IL12RB1: variants seen among roughly 807,000 people sequenced by gnomAD.
IL12RB1 encodes the protein interleukin 12 receptor subunit beta 1, also known as interleukin-12 receptor subunit beta-1.
A neutral mutation model predicts 94.4 loss-of-function variants in IL12RB1; 64 were observed. The observed-to-expected ratio is 0.68, with a 90% CI of 0.55 to 0.83. IL12RB1 has a LOEUF of 0.83. Among genes scored for constraint, IL12RB1 ranks in the 40% least tolerant of loss-of-function variants. IL12RB1 has a pLI of 0.00. For synonymous variants in IL12RB1, 362 were observed against 355.5 expected, an observed-to-expected ratio of 1.02 and a Z score of -0.21; for missense variants, 814 against 855.6, an observed-to-expected ratio of 0.95 and a Z score of 0.61.
At chr19:18,094,774 C>T (rs1159113563) in intron 1 of IL12RB1, among the ~76,000 whole-genome samples, 1 of 151,988 alleles carries the variant, frequency 6.6e-6, no homozygotes, top group Non-Finnish European at 1.5e-5. Flanking sequence ...CCAGCCTGGG[C>T]GAAAGAGCAA....
upstream of IL12RB1, among the ~76,000 whole-genome samples, chr19:18,089,445 T>A (rs1050580163): frequency 4.0e-5 from 6 of 151,870 alleles, no homozygotes; most frequent in South Asian, 2.1e-4. Flanking sequence ...GACAACACAG[T>A]GAAACCCAGT....
At position 18,060,098 on chromosome 19, in the gene IL12RB1, G is replaced by C; in HGVS notation, c.1792-13C>G. ...TCCACTGCCAAGTCTGCAGAGGGAG[G>C]GTAGGGCCACAGCTGTGAGCAGAGC... is the stretch of plus-strand genomic sequence containing the variant. On this transcript the variant is annotated splice_polypyrimidine_tract_variant and intron_variant, in intron 15 of 16. Coordinates refer to ENST00000593993, the MANE Select transcript of IL12RB1 (RefSeq NM_005535.3). The C allele has an allele frequency of 6.6e-7, 1 of 1,514,182 alleles. No individual in the cohort carries two copies. Among genetic ancestry groups the C allele is most frequent in the Non-Finnish European group, 9.2e-7 (1 of 1,092,624 alleles). The allele number at this position is 1,514,182 out of a possible 1,614,324, so 93.8% of individuals were successfully genotyped here.
At chr19:18,088,070 T>C (rs141620898), upstream of IL12RB1, among the ~76,000 whole-genome samples, 1,161 of 151,842 alleles carry the variant, frequency 7.6e-3, 16 homozygotes, top group African/African-American at 0.026. Context: ...CTAAACAACA[T>C]AGCAAGACCC....
intron 1 of IL12RB1, 50 bp downstream of exon 1, chr19:18,086,710 G>A (rs1312324955): frequency 2.6e-6 from 4 of 1,559,304 alleles, no homozygotes; most frequent in African/African-American, 1.4e-5. Context: ...ACACATACAC[G>A]TGCCTCCACC....
rs150462538 is a variant in IL12RB1 at position 18,078,810 on chromosome 19, C to G, written c.410-1155G>C. On this transcript the variant is annotated intron_variant, in intron 4 of 16. Transcript: ENST00000593993. ...TAGTCTTGCTGCACCGTGGTCATAC[C>G]CGGCCTGATTCTTTTTTTATATCAT... 2.4e-3 allele frequency among the ~76,000 whole-genome samples: 366 copies of G among 152,128 alleles called. 10 individuals are homozygous for G. The South Asian group carries it at 0.042, about 18-fold the overall frequency.
chr19:18,087,575 T>C (rs1174247258), upstream of IL12RB1, among the ~76,000 whole-genome samples: 1 of 151,658 alleles, frequency 6.6e-6, no homozygotes, highest in Non-Finnish European at 1.5e-5. Context: ...AGTGCAGTGG[T>C]GCAATCACGG....
intron 12 of IL12RB1, 133 bp from the exon 13 acceptor site, chr19:18,064,143 T>C (rs1346821306): frequency 1.6e-4 from 90 of 570,542 alleles, no homozygotes; most frequent in East Asian, 5.3e-4. Flanking sequence ...TCTTTCTTTT[T>C]TTTTTTTTTT....
chr19:18,081,082 C>A, intron 3 of IL12RB1, 81 bp from the exon 4 acceptor site: 1 of 1,310,028 alleles, frequency 7.6e-7, no homozygotes, highest in Admixed American at 2.0e-5. Context: ...CACATCCCAG[C>A]ATCGTTTTTT....
intron 13 of IL12RB1, among the ~76,000 whole-genome samples, chr19:18,062,602 T>C (rs2034224384): frequency 6.6e-6 from 1 of 152,022 alleles, no homozygotes; most frequent in Non-Finnish European, 1.5e-5. Flanking sequence ...ATGAAACCTG[T>C]CTCTACTAAA....
At chr19:18,071,409 C>T (rs1415821312) in intron 9 of IL12RB1, 2 of 804,430 alleles carry the variant, frequency 2.5e-6, no homozygotes, top group African/African-American at 3.6e-5. Context: ...TTCTTTCTCT[C>T]TTTTTTCTTT....
rs779773027 is a variant in IL12RB1, at chr19:18,083,420, A to C, written c.124+12T>G. On this transcript the variant is annotated intron_variant, in intron 2 of 16. Coordinates refer to ENST00000593993, the MANE Select transcript of IL12RB1 (RefSeq NM_005535.3). ...CATAATCCTCAGCCAACAATGAGGA[A>C]CTGCCCCGAACCTGAGTCTGCATCC... 2 of 1,613,586 alleles carry C rather than the reference A, an allele frequency of 1.2e-6. No homozygotes were observed. The highest frequency in any genetic ancestry group is 1.7e-6 in the Non-Finnish European group (2 of 1,179,548).
chr19:18,072,191 G>T lies in IL12RB1; in HGVS notation c.942C>A (p.Tyr314Ter), dbSNP rs762747908. Residue 314 changes from tyrosine to a stop codon, truncating the protein, a stop_gained, in exon 9 of 17, where the codon TAC becomes TAA. Transcript: ENST00000593993. LOFTEE classifies it high-confidence loss of function. ...GKMPYLSGAA[Y>*]NVAVISSNQF... The stretch of plus-strand genomic sequence containing the variant: ...GGTTCGAGGAGATGACAGCCACGTT[G>T]TAGGCAGCACCCGAGAGATAGGGCA... 6.2e-7 allele frequency: 1 copy of T among 1,614,158 alleles called. No homozygotes were observed. Among genetic ancestry groups the T allele is most frequent in the African/African-American group, 1.3e-5 (1 of 75,060 alleles).
chr19:18,061,220 G>GAA, intron 14 of IL12RB1, 23 bp from the exon 15 acceptor site: 2 of 1,307,900 alleles, frequency 1.5e-6, no homozygotes, highest in Non-Finnish European at 1.1e-6. Context: ...GGGGACCAGT[G>GAA]AGAGGAGCTG....
chr19:18,085,593 C>T (rs2036274081), intron 1 of IL12RB1, among the ~76,000 whole-genome samples: 1 of 151,776 alleles, frequency 6.6e-6, no homozygotes, highest in South Asian at 2.1e-4. Flanking sequence ...CCCCAGTGTA[C>T]AGAGAAGGAA....
chr19:18,065,093 C>T (rs192423212), intron 12 of IL12RB1, among the ~76,000 whole-genome samples: 2 of 152,266 alleles, frequency 1.3e-5, no homozygotes, highest in Non-Finnish European at 2.9e-5. Flanking sequence ...GCCTGTGGGG[C>T]GTCCCCACTC....
rs781431249 is a variant in IL12RB1, at chr19:18,062,245, CGAA to C, written c.1648_1650del (p.Phe550del). On this transcript the variant is annotated inframe_deletion, in exon 14 of 17. Transcript: ENST00000593993. ...ATGCTCAGGAAGCTCCCCAGGGAGG[CGAA>C]GAAGATGAGCCAATCAGAAACCTGC... The C allele has an allele frequency of 4.3e-6, 7 of 1,612,554 alleles. No individual in the cohort carries two copies. The African/African-American group carries it at 8.0e-5, about 18-fold the overall frequency.
intron 10 of IL12RB1, 86 bp downstream of exon 10, chr19:18,069,460 G>T: frequency 7.8e-7 from 1 of 1,285,932 alleles, no homozygotes; most frequent in Non-Finnish European, 1.1e-6. Context: ...CACCCGCTGT[G>T]TGCCTTCCCT....
chr19:18,084,403 AATCCATCC>A (rs373555713), intron 1 of IL12RB1, among the ~76,000 whole-genome samples: 7 of 118,284 alleles, frequency 5.9e-5, no homozygotes, highest in Non-Finnish European at 1.1e-4. Flanking sequence ...TCCATGTATT[AATCCATCC>A]ATCCATCCAT....
intron 9 of IL12RB1, 140 bp from the exon 10 acceptor site, chr19:18,069,853 T>C: frequency 1.5e-6 from 1 of 678,872 alleles, no homozygotes; most frequent in Non-Finnish European, 2.6e-6. Flanking sequence ...TGTTTGGCTG[T>C]TTCCCTGCAC....
Sources: gnomAD v4.1 joint callset for allele counts (sites outside exome capture counted in the v4.1 genomes callset) on GRCh38, gnomAD v4.1.1 for gene constraint, MANE v1.5 for transcripts, NCBI Gene and HGNC (gene_info 2026-07-23, HGNC 2026-07-21) for gene names.